The following WT1 variants were observed in gnomAD, a reference collection of about 807,000 sequenced individuals.
WT1 encodes WT1 transcription factor.
A neutral mutation model predicts 60.8 loss-of-function variants in WT1; 8 were observed. The ratio of observed to expected loss-of-function variants is 0.13; its 90% CI spans 0.08 to 0.24. The LOEUF (loss-of-function observed/expected upper bound fraction) is 0.24, where lower values mean the gene tolerates loss of function less well. WT1 is among the 10% of genes least tolerant of loss of function. The pLI, the probability that WT1 is intolerant of heterozygous loss-of-function variation, is 1.00. For synonymous variants in WT1, 312 were observed against 297.1 expected, an observed-to-expected ratio of 1.05 and a Z score of -0.52; for missense variants, 568 against 711.8, an observed-to-expected ratio of 0.80 and a Z score of 2.30.
chr11:32,425,013 A>T (rs1451225418), intron 3 of WT1, among the ~76,000 whole-genome samples: 2 of 152,114 alleles, frequency 1.3e-5, no homozygotes, highest in Non-Finnish European at 1.5e-5. Flanking sequence ...CCCCGTCTCT[A>T]CTAAAAATAC....
At chr11:32,411,068 T>TACACACACACAC (rs10525221) in intron 5 of WT1, among the ~76,000 whole-genome samples, 2,621 of 145,732 alleles carry the variant, frequency 0.018, 47 homozygotes, top group East Asian at 0.084. Context: ...CCCTCTCCAA[T>TACACACACACAC]ACACACACAC....
chr11:32,410,398 G>A (rs1218714238), intron 5 of WT1, among the ~76,000 whole-genome samples: 1 of 152,106 alleles, frequency 6.6e-6, no homozygotes, highest in East Asian at 1.9e-4. Flanking sequence ...CCCTTTTGCA[G>A]CAGAACTCCA....
At chr11:32,401,720 A>G (rs1312354681) in intron 5 of WT1, among the ~76,000 whole-genome samples, 2 of 151,972 alleles carry the variant, frequency 1.3e-5, no homozygotes, top group African/African-American at 4.8e-5. Context: ...TTGTACTTTT[A>G]GTAGAGATGG....
chr11:32,428,698 C>A, intron 1 of WT1, 79 bp from the exon 2 acceptor site: 1 of 1,528,516 alleles, frequency 6.5e-7, no homozygotes, highest in Non-Finnish European at 8.8e-7. Context: ...CAGCCACGGG[C>A]GGGGGGGGTG....
chr11:32,414,311 C>T (rs918068745), intron 5 of WT1, among the ~76,000 whole-genome samples: 1 of 152,170 alleles, frequency 6.6e-6, no homozygotes, highest in Non-Finnish European at 1.5e-5. Flanking sequence ...CTCACTCTAT[C>T]GCCCAGGCTG....
intron 6 of WT1, among the ~76,000 whole-genome samples, chr11:32,398,923 G>A (rs149071773): frequency 2.6e-5 from 4 of 151,722 alleles, no homozygotes; most frequent in African/African-American, 4.8e-5. Flanking sequence ...TTGGGAGGCC[G>A]AGGCGAGTGG....
intron 5 of WT1, among the ~76,000 whole-genome samples, chr11:32,410,128 G>A (rs1194126406): frequency 3.3e-5 from 5 of 151,820 alleles, no homozygotes; most frequent in Non-Finnish European, 5.9e-5. Flanking sequence ...ACAGGGTTTC[G>A]CCACGTTGGC....
intron 3 of WT1, among the ~76,000 whole-genome samples, chr11:32,423,979 G>T (rs1293229212): frequency 6.6e-6 from 1 of 151,976 alleles, no homozygotes; most frequent in Non-Finnish European, 1.5e-5. Flanking sequence ...TGGCTAACAC[G>T]GTGAAACCCC....
intron 1 of WT1, among the ~76,000 whole-genome samples, chr11:32,430,319 C>T (rs1463373546): frequency 6.6e-6 from 1 of 151,930 alleles, no homozygotes; most frequent in Non-Finnish European, 1.5e-5. Flanking sequence ...TCTTTGAGGC[C>T]TATAGATGAG....
rs1392405207 is a variant in WT1, at chr11:32,435,150, G to T, written c.211C>A (p.Pro71Thr). The T allele has an allele frequency of 3.9e-6, 6 of 1,522,930 alleles. No individual in the cohort carries two copies. The highest frequency in any genetic ancestry group is 2.5e-5 in the East Asian group (1 of 39,594). The allele number at this position is 1,522,930 out of a possible 1,614,324, so 94.3% of individuals were successfully genotyped here. A position where few individuals can be genotyped will look rare whatever the true frequency, so the allele number is the denominator to read the frequency against. Residue 71 changes from proline (P) to threonine (T), a missense_variant, in exon 1 of 10, where the codon CCG becomes ACG. Physicochemically the swap from Pro to Thr is conservative, Grantham distance 38. Coordinates refer to ENST00000452863, the MANE Select transcript of WT1 (RefSeq NM_024426.6). The stretch of plus-strand genomic sequence containing the variant: ...CGCACGTCGGAGCCCATTTGCTGCG[G>T]CTCAGACCCGGACGCCCCGCGGCTC...
At chr11:32,400,386 A>G in intron 5 of WT1, 1 of 403,602 alleles carries the variant, frequency 2.5e-6, no homozygotes, top group Non-Finnish European at 4.7e-6. Flanking sequence ...TGACAGCTGC[A>G]GGTATCTCAG....
intron 1 of WT1, among the ~76,000 whole-genome samples, chr11:32,430,232 G>A (rs1358468420): frequency 6.6e-6 from 1 of 151,968 alleles, no homozygotes; most frequent in Non-Finnish European, 1.5e-5. Flanking sequence ...GATAACCCCC[G>A]GCCCCGTTAG....
At chr11:32,420,151 A>C (rs545386325) in intron 3 of WT1, among the ~76,000 whole-genome samples, 2 of 152,122 alleles carry the variant, frequency 1.3e-5, no homozygotes, top group Non-Finnish European at 2.9e-5. Flanking sequence ...AAATGATAAG[A>C]TTTTTTGCTA....
chr11:32,429,513 CAT>C (rs1258008296), intron 1 of WT1, among the ~76,000 whole-genome samples: 1 of 135,544 alleles, frequency 7.4e-6, no homozygotes, highest in East Asian at 2.5e-4. Flanking sequence ...AGTTGGAAAA[CAT>C]AGTCTTTTAT....
Position 32,434,681 on chromosome 11 carries a change from C to T in WT1, c.661+19G>A, listed in dbSNP as rs1413587778. 5.6e-6 allele frequency: 9 copies of T among 1,612,518 alleles called. No homozygotes were observed. The highest frequency in any genetic ancestry group is 3.3e-5 in the Admixed American group (2 of 60,022). On this transcript the variant is annotated intron_variant, in intron 1 of 9. Transcript: ENST00000452863. Reference sequence around the variant, plus strand: ...GCGCCACTGCCCCGCGCGTAGGGGGCGCTCCCCGGCCTACTTACCCTGATT... The same window carrying T: ...GCGCCACTGCCCCGCGCGTAGGGGGTGCTCCCCGGCCTACTTACCCTGATT...
intron 5 of WT1, among the ~76,000 whole-genome samples, chr11:32,412,022 T>G (rs907447509): frequency 3.3e-5 from 5 of 152,226 alleles, no homozygotes; most frequent in Non-Finnish European, 4.4e-5. Context: ...ACTTTGCATC[T>G]CAGGCTCCGG....
chr11:32,409,135 C>A (rs185192128), intron 5 of WT1, among the ~76,000 whole-genome samples: 4 of 152,290 alleles, frequency 2.6e-5, no homozygotes, highest in African/African-American at 9.6e-5. Context: ...GAGCTGCTGG[C>A]AACCTGGCAC....
At chr11:32,405,592 C>T (rs1003515695) in intron 5 of WT1, among the ~76,000 whole-genome samples, 1 of 149,920 alleles carries the variant, frequency 6.7e-6, no homozygotes, top group Non-Finnish European at 1.5e-5. Context: ...TCCTTAGAAC[C>T]CTAGGAGTCA....
Position 32,388,709 on chromosome 11 carries a change from C to T in WT1, c.*349G>A, listed in dbSNP as rs1232520737. ...AGAAAATGGTACAATAATTCCATCC[C>T]CAGCGAAAACGAGCATAAAAAAAGA... On this transcript the variant is annotated 3_prime_UTR_variant, in exon 10 of 10. Coordinates refer to ENST00000452863, the MANE Select transcript of WT1 (RefSeq NM_024426.6). 1 of 389,738 alleles carries T rather than the reference C, an allele frequency of 2.6e-6. No homozygotes were observed. The highest frequency in any genetic ancestry group is 4.7e-6 in the Non-Finnish European group (1 of 211,334). The allele number at this position is 389,738 out of a possible 1,614,324, so 24.1% of individuals were successfully genotyped here.
Sources: allele counts gnomAD v4.1 joint callset (sites outside exome capture counted in the v4.1 genomes callset), GRCh38; gene constraint gnomAD v4.1.1; transcripts MANE v1.5; gene names NCBI Gene and HGNC (gene_info 2026-07-23, HGNC 2026-07-21).